The following RB1 variants were observed in gnomAD, a reference collection of about 807,000 sequenced individuals.
The protein encoded by RB1 is RB transcriptional corepressor 1, also known as retinoblastoma-associated protein.
In RB1, 18 loss-of-function variants were observed where a neutral mutation model predicts 135.4. The observed-to-expected ratio is 0.13, with a 90% CI of 0.09 to 0.20. RB1 has a LOEUF of 0.20. Ranked by LOEUF, RB1 falls within the 10% of genes least tolerant of loss-of-function variation. RB1 has a pLI of 1.00. For synonymous variants in RB1, 365 were observed against 373.2 expected (o/e 0.98, Z 0.25); for missense variants, 868 against 1,110.0 (o/e 0.78, Z 3.10).
intron 17 of RB1, among the ~76,000 whole-genome samples, chr13:48,421,261 A>T (rs61948662): frequency 2.0e-5 from 3 of 151,068 alleles, no homozygotes; most frequent in Non-Finnish European, 3.0e-5. Flanking sequence ...TTTGACAAAG[A>T]TGAGACAAAG....
intron 1 of RB1, among the ~76,000 whole-genome samples, chr13:48,305,420 G>A (rs1952072717): frequency 1.3e-5 from 2 of 152,152 alleles, no homozygotes; most frequent in Non-Finnish European, 2.9e-5. Flanking sequence ...AAAAGACATG[G>A]CTTTAGTTTC....
intron 17 of RB1, among the ~76,000 whole-genome samples, chr13:48,393,720 G>C (rs1390447045): frequency 1.3e-5 from 2 of 152,114 alleles, no homozygotes; most frequent in African/African-American, 4.8e-5. Context: ...TGTTTCAGAG[G>C]GGTGCTTACT....
intron 2 of RB1, among the ~76,000 whole-genome samples, chr13:48,325,914 A>C (rs1419642665): frequency 6.6e-6 from 1 of 152,162 alleles, no homozygotes; most frequent in Non-Finnish European, 1.5e-5. Flanking sequence ...ATTTGCTCAT[A>C]GAATGAAGTC....
intron 24 of RB1, among the ~76,000 whole-genome samples, chr13:48,475,074 T>C (rs898664898): frequency 1.3e-5 from 2 of 152,008 alleles, no homozygotes; most frequent in Non-Finnish European, 2.9e-5. Flanking sequence ...GGGTTTTCTA[T>C]GTTGGCCAGA....
At chr13:48,465,794 G>A (rs1474386637) in intron 23 of RB1, among the ~76,000 whole-genome samples, 1 of 151,176 alleles carries the variant, frequency 6.6e-6, no homozygotes, top group Non-Finnish European at 1.5e-5. Context: ...AGAAAGGGGT[G>A]ACGGACGCAC....
At chr13:48,402,219 C>G (rs1201454971) in intron 17 of RB1, among the ~76,000 whole-genome samples, 1 of 151,910 alleles carries the variant, frequency 6.6e-6, no homozygotes, top group East Asian at 1.9e-4. Context: ...TATCAGACAC[C>G]TTTAATAGTG....
intron 18 of RB1, 65 bp from the exon 19 acceptor site, chr13:48,456,139 G>T (rs924911824): frequency 5.9e-5 from 95 of 1,603,914 alleles, no homozygotes; most frequent in Non-Finnish European, 7.9e-5. Context: ...CAACCTTGAA[G>T]TGTATGTATA....
intron 2 of RB1, among the ~76,000 whole-genome samples, chr13:48,337,623 C>G (rs1262987247): frequency 6.6e-6 from 1 of 152,174 alleles, no homozygotes; most frequent in Non-Finnish European, 1.5e-5. Context: ...TGGGTCTTGA[C>G]TCTTTATCCA....
In RB1 at chr13:48,480,142, A is replaced by T. The variant is rs2138364974; in HGVS notation, c.*71A>T. The T allele has an allele frequency of 7.5e-7, 1 of 1,333,942 alleles. No individual in the cohort carries two copies. The highest frequency in any genetic ancestry group is 2.4e-5 in the East Asian group (1 of 41,450). The allele number at this position is 1,333,942 out of a possible 1,614,324, so 82.6% of individuals were successfully genotyped here. On this transcript the variant is annotated 3_prime_UTR_variant, in exon 27 of 27. Transcript: ENST00000267163. ...TGTCTCTCACAGATGTGACTGTATA[A>T]CTTTCCCAGGTTCTGTTTATGGCCA...
chr13:48,370,210 T>C (rs1404851870), intron 11 of RB1, among the ~76,000 whole-genome samples: 1 of 152,084 alleles, frequency 6.6e-6, no homozygotes, highest in East Asian at 1.9e-4. Context: ...TTGTGAAACA[T>C]GTAAGTGGAG....
At chr13:48,328,546 G>A (rs935747560) in intron 2 of RB1, 7 of 723,748 alleles carry the variant, frequency 9.7e-6, no homozygotes, top group African/African-American at 5.3e-5. Context: ...CTCCTCTCCC[G>A]CCTTCCCATC....
chr13:48,478,023 G>A (rs1949514674), intron 26 of RB1, among the ~76,000 whole-genome samples: 1 of 152,192 alleles, frequency 6.6e-6, no homozygotes, highest in African/African-American at 2.4e-5. Context: ...TTAGGAAAGA[G>A]ATAAATGTTC....
chr13:48,411,844 A>G lies in RB1; in HGVS notation c.1695+30401A>G. 4 of 1,613,362 alleles carry G rather than the reference A, an allele frequency of 2.5e-6. No homozygotes were observed. In the South Asian group the frequency reaches 4.4e-5, roughly 18 times the overall value. ...GTTACATTTAAAATTAGAGGAATAA[A>G]AAATCCCACTATTTCGATGAAAATT... On this transcript the variant is annotated intron_variant, in intron 17 of 26. Transcript: ENST00000267163.
chr13:48,392,155 G>GGCTGGA (rs548726022), intron 17 of RB1, among the ~76,000 whole-genome samples: 171 of 151,858 alleles, frequency 1.1e-3, no homozygotes, highest in African/African-American at 3.9e-3. Context: ...CTTTTGCCCA[G>GGCTGGA]GCTGGAGTGC....
At chr13:48,311,589 A>G (rs1952131047) in intron 2 of RB1, among the ~76,000 whole-genome samples, 1 of 94,774 alleles carries the variant, frequency 1.1e-5, no homozygotes, top group Admixed American at 9.7e-5. Flanking sequence ...ACAGTAGATC[A>G]TCCATATCCT....
chr13:48,450,259 C>T (rs961988908), intron 17 of RB1, among the ~76,000 whole-genome samples: 12 of 151,912 alleles, frequency 7.9e-5, no homozygotes, highest in South Asian at 2.1e-4. Flanking sequence ...TTAGAGTTTT[C>T]GGTTTTACAT....
chr13:48,339,128 A>T (rs1437132607), intron 2 of RB1, among the ~76,000 whole-genome samples: 1 of 152,124 alleles, frequency 6.6e-6, no homozygotes, highest in African/African-American at 2.4e-5. Context: ...TCAGGGACCC[A>T]CTTGAGGAGG....
In RB1 at chr13:48,477,422, C is replaced by T. The variant is rs1366862461; in HGVS notation, c.2713+18C>T. On this transcript the variant is annotated intron_variant, in intron 26 of 26. Coordinates refer to ENST00000267163, the MANE Select transcript of RB1 (RefSeq NM_000321.3). The stretch of plus-strand genomic sequence containing the variant: ...AGAAATGAGTAAGTACTTTTTTCAC[C>T]TTGTGTAAATGAAATAAACAATTGT... The T allele has an allele frequency of 3.8e-6, 6 of 1,579,580 alleles. No homozygotes were observed. The highest frequency in any genetic ancestry group is 4.3e-6 in the Non-Finnish European group (5 of 1,149,516).
Position 48,450,644 on chromosome 13 carries a change from C to T in RB1, c.1696-2349C>T, listed in dbSNP as rs115340019. On this transcript the variant is annotated intron_variant, in intron 17 of 26. Transcript: ENST00000267163. The stretch of plus-strand genomic sequence containing the variant: ...TGCTTAGGATTGTCTTGGATATTTG[C>T]GCTCTTTTTTGATTCCATATGAATT... 8.5e-3 allele frequency among the ~76,000 whole-genome samples: 1,294 copies of T among 152,094 alleles called. 16 individuals carry two copies. Among genetic ancestry groups the T allele is most frequent in the African/African-American group, 0.03 (1,239 of 41,506 alleles).
Sources: allele counts gnomAD v4.1 joint callset (sites outside exome capture counted in the v4.1 genomes callset), GRCh38; gene constraint gnomAD v4.1.1; transcripts MANE v1.5; gene names NCBI Gene and HGNC (gene_info 2026-07-23, HGNC 2026-07-21).